Variants in FANK1 observed in about 807,000 individuals in gnomAD.
The protein encoded by FANK1 is fibronectin type 3 and ankyrin repeat domains protein 1.
A neutral mutation model predicts 45.3 loss-of-function variants in FANK1; 44 were observed. That is an observed-to-expected ratio of 0.97 (90% CI 0.76 to 1.25). The LOEUF (loss-of-function observed/expected upper bound fraction) is 1.25, where lower values mean the gene tolerates loss of function less well. Ranked by LOEUF, FANK1 falls within the 50% of genes most tolerant of loss-of-function variation. The probability of loss-of-function intolerance (pLI) is 0.00; values close to 1 mark genes in which losing one functional copy is unlikely to be tolerated. For missense variants in FANK1, 391 were observed against 424.4 expected, an observed-to-expected ratio of 0.92 and a Z score of 0.69; for synonymous variants, 149 against 152.5, an observed-to-expected ratio of 0.98 and a Z score of 0.17.
intron 7 of FANK1, among the ~76,000 whole-genome samples, chr10:126,005,899 A>C (rs1953161246): frequency 6.6e-6 from 1 of 152,338 alleles, no homozygotes; most frequent in East Asian, 1.9e-4. Flanking sequence ...CAAGTGGTCT[A>C]CTTTTGATTT....
intron 1 of FANK1, among the ~76,000 whole-genome samples, chr10:125,917,207 C>T (rs1474501795): frequency 6.6e-6 from 1 of 152,182 alleles, no homozygotes; most frequent in Non-Finnish European, 1.5e-5. Context: ...ACCAGTTTTT[C>T]CTGAAAACAT....
At chr10:125,930,487 A>G (rs933507939) in intron 1 of FANK1, among the ~76,000 whole-genome samples, 7 of 148,814 alleles carry the variant, frequency 4.7e-5, no homozygotes, top group South Asian at 2.1e-4. Flanking sequence ...CAGGCACAAC[A>G]TGCCACACTC....
intron 1 of FANK1, among the ~76,000 whole-genome samples, chr10:125,939,039 A>G (rs756954983): frequency 2.6e-5 from 4 of 152,230 alleles, no homozygotes; most frequent in Non-Finnish European, 4.4e-5. Flanking sequence ...GATGTAGTGG[A>G]AAATATACAG....
At chr10:125,979,465 A>G (rs1244650795) in intron 1 of FANK1, among the ~76,000 whole-genome samples, 2 of 152,292 alleles carry the variant, frequency 1.3e-5, no homozygotes, top group Non-Finnish European at 1.5e-5. Flanking sequence ...TAAAAAGGCG[A>G]TAATTCATAT....
chr10:125,914,674 C>T lies in FANK1; in HGVS notation c.13+18019C>T, dbSNP rs1469333273. Among the ~76,000 whole-genome samples the T allele has an allele frequency of 2.0e-5, 3 of 152,174 alleles. No homozygotes were observed. In the East Asian group the frequency reaches 5.8e-4, roughly 29 times the overall value. On this transcript the variant is annotated intron_variant, in intron 1 of 10. Coordinates refer to ENST00000368693, the MANE Select transcript of FANK1 (RefSeq NM_145235.5). Reference sequence around the variant, plus strand: ...ACCAAGGACACTTTTAATATCAAATCTTCCTCATCCCCCCAACTCCAGAAA... The same window carrying T: ...ACCAAGGACACTTTTAATATCAAATTTTCCTCATCCCCCCAACTCCAGAAA...
At chr10:125,906,602 C>A (rs1000296059) in intron 1 of FANK1, among the ~76,000 whole-genome samples, 1 of 150,330 alleles carries the variant, frequency 6.7e-6, no homozygotes, top group African/African-American at 2.4e-5. Context: ...TTAAACACTT[C>A]CCCAGGCCAG....
rs1156446362 is a variant in FANK1, at chr10:125,918,556, C to CAAAAAAAA, written c.13+21924_13+21931dup. Among the ~76,000 whole-genome samples, 30 of 7,100 alleles carry CAAAAAAAA rather than the reference C, an allele frequency of 4.2e-3. 13 individuals carry two copies. Among genetic ancestry groups the CAAAAAAAA allele is most frequent in the Admixed American group, 7.5e-3 (2 of 268 alleles). The allele number at this position is 7,100 out of a possible 152,430, so 4.7% of individuals were successfully genotyped here. On this transcript the variant is annotated intron_variant, in intron 1 of 10. Transcript: ENST00000368693. ...CTGGTGACAGAGCAAGCCTCTGTCT[C>CAAAAAAAA]AAAAAAAAAAAAAAAAAAAAAAAAA...
chr10:125,906,070 A>G (rs1251068381), intron 1 of FANK1, among the ~76,000 whole-genome samples: 2 of 152,306 alleles, frequency 1.3e-5, no homozygotes, highest in African/African-American at 4.8e-5. Context: ...TATCCCACAA[A>G]GACTTGCTCC....
At chr10:125,945,436 T>C (rs1174808987) in intron 1 of FANK1, among the ~76,000 whole-genome samples, 1 of 152,136 alleles carries the variant, frequency 6.6e-6, no homozygotes, top group Non-Finnish European at 1.5e-5. Context: ...TTGCCTCACT[T>C]GGGAAGCGCA....
intron 1 of FANK1, among the ~76,000 whole-genome samples, chr10:125,971,391 A>G (rs1281560207): frequency 6.6e-6 from 1 of 151,802 alleles, no homozygotes; most frequent in Non-Finnish European, 1.5e-5. Context: ...GAAGGTCAGC[A>G]GCCTCCCTGA....
chr10:125,946,238 A>G (rs1463469156), intron 1 of FANK1, among the ~76,000 whole-genome samples: 7 of 152,008 alleles, frequency 4.6e-5, no homozygotes, highest in Admixed American at 1.3e-4. Context: ...CTCACCAGCA[A>G]CGGAACAAAG....
At chr10:125,964,186 CTTTTTTT>C (rs71486557) in intron 1 of FANK1, among the ~76,000 whole-genome samples, 42 of 78,430 alleles carry the variant, frequency 5.4e-4, no homozygotes, top group African/African-American at 1.4e-3. Flanking sequence ...TTCTCTCTCT[CTTTTTTT>C]TTTTTTTTTT....
chr10:125,957,361 AC>A (rs1244021879), intron 1 of FANK1, among the ~76,000 whole-genome samples: 2 of 151,060 alleles, frequency 1.3e-5, no homozygotes, highest in Non-Finnish European at 2.9e-5. Context: ...ATATTTACCC[AC>A]ATACTTGCCT....
chr10:125,960,832 G>A (rs1949878128), intron 1 of FANK1, among the ~76,000 whole-genome samples: 1 of 152,114 alleles, frequency 6.6e-6, no homozygotes, highest in Admixed American at 6.5e-5. Context: ...ACTGTGCCCT[G>A]GCCTCAATGC....
At chr10:125,985,634 A>G (rs1329835221) in intron 2 of FANK1, among the ~76,000 whole-genome samples, 2 of 152,170 alleles carry the variant, frequency 1.3e-5, no homozygotes, top group African/African-American at 4.8e-5. Context: ...GATACATACT[A>G]TCTCAGTTAT....
rs1399917442 is a variant in FANK1 at position 125,960,316 on chromosome 10, C to T, written c.14-19845C>T. 2.7e-5 allele frequency: 7 copies of T among 260,040 alleles called. No individual in the cohort carries two copies. In the Admixed American group the frequency reaches 3.3e-4, roughly 12 times the overall value. The allele number at this position is 260,040 out of a possible 1,614,324, so 16.1% of individuals were successfully genotyped here. A position where few individuals can be genotyped will look rare whatever the true frequency, so the allele number is the denominator to read the frequency against. ...CAGTACTGTTGCAGCTCTGCAGCTG[C>T]CTGAGAGACCTTGATCCTCTCCACG... is the stretch of plus-strand genomic sequence containing the variant. On this transcript the variant is annotated intron_variant, in intron 1 of 10. Transcript: ENST00000368693.
intron 1 of FANK1, among the ~76,000 whole-genome samples, chr10:125,943,757 C>A (rs1948602443): frequency 6.6e-6 from 1 of 152,152 alleles, no homozygotes; most frequent in African/African-American, 2.4e-5. Flanking sequence ...TATCCTTAGA[C>A]CCTTGAATAC....
At chr10:125,964,485 A>G (rs1414733301) in intron 1 of FANK1, among the ~76,000 whole-genome samples, 1 of 152,092 alleles carries the variant, frequency 6.6e-6, no homozygotes, top group Non-Finnish European at 1.5e-5. Context: ...GAACCACTGC[A>G]CCTGACCTAT....
chr10:125,907,981 T>C (rs1385632618), intron 1 of FANK1, among the ~76,000 whole-genome samples: 1 of 149,240 alleles, frequency 6.7e-6, no homozygotes, highest in Non-Finnish European at 1.5e-5. Flanking sequence ...AGAGAATAAA[T>C]ATGTTTTTTC....
Sources: allele counts gnomAD v4.1 joint callset (sites outside exome capture counted in the v4.1 genomes callset), GRCh38; gene constraint gnomAD v4.1.1; transcripts MANE v1.5; gene names NCBI Gene and HGNC (gene_info 2026-07-23, HGNC 2026-07-21).